TSPAN1: variants seen among roughly 807,000 people sequenced by gnomAD.
TSPAN1 encodes tetraspanin 1, also known as tetraspanin-1.
A neutral mutation model predicts 26.9 loss-of-function variants in TSPAN1; 23 were observed. The ratio of observed to expected loss-of-function variants is 0.85; its 90% CI spans 0.62 to 1.21. TSPAN1 has a LOEUF of 1.21. Among genes scored for constraint, TSPAN1 ranks in the 50% most tolerant of loss-of-function variants. The pLI, the probability that TSPAN1 is intolerant of heterozygous loss-of-function variation, is 0.00. For synonymous variants in TSPAN1, 115 were observed against 114.8 expected, an observed-to-expected ratio of 1.00 and a Z score of -0.01; for missense variants, 283 against 298.4, an observed-to-expected ratio of 0.95 and a Z score of 0.38.
chr1:46,186,710 G>A (rs1195890269), downstream of TSPAN1, among the ~76,000 whole-genome samples: 2 of 134,776 alleles, frequency 1.5e-5, no homozygotes, highest in African/African-American at 5.6e-5. Context: ...CGCCCAGGCT[G>A]GAGTGCAGTG....
intron 1 of TSPAN1, chr1:46,176,154 C>T (rs917257623): frequency 1.1e-5 from 16 of 1,501,932 alleles, no homozygotes; most frequent in Admixed American, 7.9e-5. Flanking sequence ...GGATTACAGG[C>T]ATGAGCCACC....
chr1:46,194,331 GC>G, the TSPAN1 span: 1 of 1,614,202 alleles, frequency 6.2e-7, no homozygotes, highest in South Asian at 1.1e-5. Flanking sequence ...CACTTCCATA[GC>G]CCTCAACTTT....
intron 1 of TSPAN1, among the ~76,000 whole-genome samples, chr1:46,176,034 G>A (rs953919466): frequency 8.5e-5 from 13 of 152,214 alleles, no homozygotes; most frequent in Admixed American, 2.0e-4. Context: ...CACCACGCCC[G>A]GCTAATTTTT....
At chr1:46,189,602 CAG>C, downstream of TSPAN1, 1 of 1,589,758 alleles carries the variant, frequency 6.3e-7, no homozygotes, top group Non-Finnish European at 8.6e-7. Flanking sequence ...AGACATGGGT[CAG>C]AGAGCTGTAG....
At chr1:46,179,457 G>C (rs1657260008) in intron 1 of TSPAN1, among the ~76,000 whole-genome samples, 1 of 152,076 alleles carries the variant, frequency 6.6e-6, no homozygotes, top group Admixed American at 6.6e-5. Context: ...GAAAAGCCCA[G>C]AACTATTCTG....
chr1:46,179,478 G>T (rs895148554), intron 1 of TSPAN1, among the ~76,000 whole-genome samples: 1 of 152,134 alleles, frequency 6.6e-6, no homozygotes, highest in Non-Finnish European at 1.5e-5. Context: ...TTACACAGAA[G>T]ACCAGGAAAG....
chr1:46,190,495 C>A, downstream of TSPAN1: 3 of 1,606,780 alleles, frequency 1.9e-6, no homozygotes, highest in South Asian at 1.1e-5. Context: ...TGAACTTCCA[C>A]TTCATAAGCT....
chr1:46,185,150 C>A, intron 7 of TSPAN1, 35 bp downstream of exon 7: 1 of 1,614,172 alleles, frequency 6.2e-7, no homozygotes, highest in Non-Finnish European at 8.5e-7. Context: ...GGACTGTTTT[C>A]ATGGCCTCAG....
chr1:46,184,305 T>C lies in TSPAN1; in HGVS notation c.172T>C (p.Tyr58His), dbSNP rs566892036. ...TGCCATGCAGTTTGTCAACGTGGGC[T>C]ACTTCCTCATCGCAGCCGGCGTTGT... ...SSAMQFVNVG[Y>H]FLIAAGVVVF... Residue 58 changes from tyrosine to histidine, a missense_variant, in exon 4 of 9, where the codon TAC becomes CAC. Physicochemically the swap from Tyr to His is moderately conservative, Grantham distance 83. Coordinates refer to ENST00000372003, the MANE Select transcript of TSPAN1 (RefSeq NM_005727.4). The C allele has an allele frequency of 1.4e-5, 23 of 1,614,226 alleles. No individual in the cohort carries two copies. The African/African-American group carries it at 2.5e-4, about 18-fold the overall frequency.
the TSPAN1 span, among the ~76,000 whole-genome samples, chr1:46,196,314 T>G: frequency 4.6e-5 from 7 of 152,236 alleles, no homozygotes; most frequent in Non-Finnish European, 1.0e-4. This position sits in a 1 kb window ranked among gnomAD's most constrained non-coding sequence, Gnocchi z 4.4. Context: ...TCATGGCTCT[T>G]AGAGCCTCTG....
chr1:46,194,798 C>T, the TSPAN1 span: 3 of 1,613,716 alleles, frequency 1.9e-6, no homozygotes, highest in African/African-American at 4.0e-5. Context: ...TTCTGCTCCT[C>T]CCAGGCTCTT....
Position 46,184,331 on chromosome 1 carries a change from G to A in TSPAN1, c.198G>A (p.Val66=). 1.2e-6 allele frequency: 2 copies of A among 1,614,160 alleles called. No homozygotes were observed. The highest frequency in any genetic ancestry group is 1.1e-5 in the South Asian group (1 of 91,078). Residue 66 remains valine, a synonymous_variant, in exon 4 of 9, where the codon GTG becomes GTA. Coordinates refer to ENST00000372003, the MANE Select transcript of TSPAN1 (RefSeq NM_005727.4). ...ACTTCCTCATCGCAGCCGGCGTTGT[G>A]GTCTTTGCTCTTGGTTTCCTGGGCT... is the stretch of plus-strand genomic sequence containing the variant. ...VGYFLIAAGV[V]VFALGFLGCY...
At chr1:46,177,251 C>A (rs976313614) in intron 1 of TSPAN1, among the ~76,000 whole-genome samples, 1 of 151,980 alleles carries the variant, frequency 6.6e-6, no homozygotes, top group South Asian at 2.1e-4. Flanking sequence ...AGGAGAATAG[C>A]TTGAACCCAG....
At chr1:46,191,795 C>T in the TSPAN1 span, 38 of 363,970 alleles carry the variant, frequency 1.0e-4, no homozygotes, top group African/African-American at 4.9e-4. Flanking sequence ...TCACCAGGCC[C>T]GGCTAATTTT....
At chr1:46,182,905 C>G (rs909538154) in intron 3 of TSPAN1, among the ~76,000 whole-genome samples, 2 of 152,088 alleles carry the variant, frequency 1.3e-5, no homozygotes, top group Non-Finnish European at 2.9e-5. Context: ...ACCTCCTGGG[C>G]TCAAGGGATT....
intron 3 of TSPAN1, among the ~76,000 whole-genome samples, chr1:46,182,794 TTTG>T (rs113298952): frequency 2.7e-5 from 4 of 150,824 alleles, no homozygotes; most frequent in African/African-American, 7.4e-5. Context: ...AACTTGTGTT[TTTG>T]TTGTTGTTGT....
At chr1:46,180,029 CATCAG>C (rs1362524519) in intron 1 of TSPAN1, among the ~76,000 whole-genome samples, 2 of 149,318 alleles carry the variant, frequency 1.3e-5, no homozygotes, top group Non-Finnish European at 2.9e-5. Context: ...TAAGTACGTA[CATCAG>C]ATATTATTCT....
the TSPAN1 span, chr1:46,192,254 G>A: frequency 3.1e-6 from 5 of 1,614,186 alleles, no homozygotes; most frequent in Non-Finnish European, 3.4e-6. Context: ...TGAAGGTTAA[G>A]ATGTTTCGAG....
At chr1:46,175,647 AG>A (rs1173185647) in intron 1 of TSPAN1, 1 of 399,330 alleles carries the variant, frequency 2.5e-6, no homozygotes, top group Non-Finnish European at 4.4e-6. Flanking sequence ...GAGGAAGGAG[AG>A]GGAAGAGTTT....
Sources: allele counts gnomAD v4.1 joint callset (sites outside exome capture counted in the v4.1 genomes callset), GRCh38; gene constraint gnomAD v4.1.1; non-coding constraint Gnocchi (gnomAD v3.1); transcripts MANE v1.5; gene names NCBI Gene and HGNC (gene_info 2026-07-23, HGNC 2026-07-21).